MAOA: variants seen among roughly 807,000 people sequenced by gnomAD.
The protein encoded by MAOA is monoamine oxidase A.
MAOA carries 6 observed loss-of-function variants against 42.0 expected under a neutral mutation model. The ratio of observed to expected loss-of-function variants is 0.14; its 90% CI spans 0.08 to 0.28. The LOEUF is 0.28. MAOA is among the 10% of genes least tolerant of loss of function. The probability of loss-of-function intolerance (pLI) is 1.00; values close to 1 mark genes in which losing one functional copy is unlikely to be tolerated. For synonymous variants in MAOA, 140 were observed against 154.0 expected, an observed-to-expected ratio of 0.91 and a Z score of 0.67; for missense variants, 262 against 422.3, an observed-to-expected ratio of 0.62 and a Z score of 3.33.
chrX:43,701,584 A>G (rs1031132176), intron 3 of MAOA, among the ~76,000 whole-genome samples: 3 of 111,370 alleles, frequency 2.7e-5, no homozygotes, highest in Non-Finnish European at 5.6e-5. Flanking sequence ...CTAATTCACT[A>G]CAGGAATTGT....
chrX:43,722,729 G>A (rs777615826), intron 5 of MAOA, among the ~76,000 whole-genome samples: 1 of 111,935 alleles, frequency 8.9e-6, no homozygotes, highest in Non-Finnish European at 1.9e-5. Flanking sequence ...TGTTGCTATT[G>A]CTTTTGGTGT....
rs2033625424 is a variant in MAOA at position 43,701,601 on chromosome X, C to T, written c.306+8173C>T. ...AATTCACTACAGGAATTGTTTCTAACCATTCATTGAGAAGTAACCTAGCAT... is the reference window on the plus strand; with the variant it reads ...AATTCACTACAGGAATTGTTTCTAATCATTCATTGAGAAGTAACCTAGCAT... On this transcript the variant is annotated intron_variant, in intron 3 of 14. Coordinates refer to ENST00000338702, the MANE Select transcript of MAOA (RefSeq NM_000240.4). Among the ~76,000 whole-genome samples, 2 of 111,452 alleles carry T rather than the reference C, an allele frequency of 1.8e-5. 1 individual carries two copies. Among genetic ancestry groups the T allele is most frequent in the Admixed American group, 1.9e-4 (2 of 10,415 alleles).
chrX:43,702,880 A>G (rs1430682027), intron 3 of MAOA, among the ~76,000 whole-genome samples: 1 of 110,944 alleles, frequency 9.0e-6, no homozygotes, highest in Admixed American at 9.6e-5. Flanking sequence ...CTGAAAAAAA[A>G]AATCAGGCTT....
chrX:43,739,451 G>A (rs2033944572), intron 10 of MAOA, among the ~76,000 whole-genome samples: 1 of 112,049 alleles, frequency 8.9e-6, no homozygotes, highest in Non-Finnish European at 1.9e-5. Context: ...GAATGTTCTG[G>A]AAGTTATAAA....
At chrX:43,676,397 C>G (rs771056431) in intron 1 of MAOA, among the ~76,000 whole-genome samples, 1 of 111,911 alleles carries the variant, frequency 8.9e-6, no homozygotes, top group Non-Finnish European at 1.9e-5. Context: ...TTGCACTTCC[C>G]GAGTAAGGCA....
chrX:43,731,859 C>T lies in MAOA; in HGVS notation c.955+6C>T. 8.4e-7 allele frequency: 1 copy of T among 1,196,591 alleles called. No individual in the cohort carries two copies. Among genetic ancestry groups the T allele is most frequent in the East Asian group, 3.0e-5 (1 of 33,761 alleles). On this transcript the variant is annotated splice_donor_region_variant and intron_variant, in intron 8 of 14. Coordinates refer to ENST00000338702, the MANE Select transcript of MAOA (RefSeq NM_000240.4). ...GGCCTTCTGGAAGAAGAAGGGTAGG[C>T]TGCTATTATTCATGTTTAAACTGTA...
intron 1 of MAOA, among the ~76,000 whole-genome samples, chrX:43,671,877 G>A (rs2147074803): frequency 9.5e-6 from 1 of 105,242 alleles, no homozygotes; most frequent in South Asian, 4.5e-4. Context: ...CAGGTAGTGT[G>A]ATGCCTCCAG....
intron 5 of MAOA, among the ~76,000 whole-genome samples, chrX:43,726,570 C>T (rs990275575): frequency 5.4e-5 from 6 of 111,927 alleles, no homozygotes; most frequent in Non-Finnish European, 1.1e-4. Flanking sequence ...GTTAGCAATT[C>T]GTCTAACCTT....
intron 6 of MAOA, 42 bp downstream of exon 6, chrX:43,728,356 T>G (rs759952996): frequency 4.2e-6 from 5 of 1,198,099 alleles, no homozygotes. Context: ...GAGCTTCATC[T>G]GTGATTTTGC....
At chrX:43,715,861 G>A (rs1162858485) in intron 5 of MAOA, among the ~76,000 whole-genome samples, 1 of 110,930 alleles carries the variant, frequency 9.0e-6, no homozygotes, top group Non-Finnish European at 1.9e-5. Flanking sequence ...TGGGGACACA[G>A]AGAAGGGTAG....
intron 12 of MAOA, 41 bp downstream of exon 12, chrX:43,742,088 C>T: frequency 8.3e-7 from 1 of 1,207,386 alleles, no homozygotes. Context: ...AAGACCTGTG[C>T]CAAATTTAAA....
chrX:43,659,905 C>T lies in MAOA; in HGVS notation c.73+3491C>T, dbSNP rs762283858. On this transcript the variant is annotated intron_variant, in intron 1 of 14. Transcript: ENST00000338702. ...TATGATGACCTCCCTCCCCCCATCA[C>T]CAGGACAGACTCTTTTTTAAAAGTA... Among the ~76,000 whole-genome samples the T allele has an allele frequency of 5.0e-4, 56 of 111,154 alleles. No individual in the cohort carries two copies. In the South Asian group the frequency reaches 0.021, roughly 42 times the overall value.
At chrX:43,683,959 C>T (rs111568313) in intron 2 of MAOA, among the ~76,000 whole-genome samples, 1 of 19,250 alleles carries the variant, frequency 5.2e-5, no homozygotes, top group Admixed American at 5.9e-4. Context: ...TACACACAGA[C>T]ACACACACAC....
intron 3 of MAOA, among the ~76,000 whole-genome samples, chrX:43,709,253 G>A (rs925448425): frequency 9.0e-6 from 1 of 111,315 alleles, no homozygotes; most frequent in Non-Finnish European, 1.9e-5. Flanking sequence ...TGCCACCACT[G>A]TTTATCAAGG....
At chrX:43,672,021 A>C (rs2033341268) in intron 1 of MAOA, among the ~76,000 whole-genome samples, 1 of 111,100 alleles carries the variant, frequency 9.0e-6, no homozygotes, top group African/African-American at 3.3e-5. Context: ...TGAATCTATA[A>C]ATTACCTTGG....
chrX:43,730,487 CTT>C (rs1232538202), intron 6 of MAOA, among the ~76,000 whole-genome samples: 2 of 84,775 alleles, frequency 2.4e-5, no homozygotes, highest in Admixed American at 1.4e-4. Context: ...TATTCCGAAT[CTT>C]TTTTTTTTTT....
intron 5 of MAOA, among the ~76,000 whole-genome samples, chrX:43,719,319 G>A (rs981039007): frequency 9.0e-6 from 1 of 111,195 alleles, no homozygotes; most frequent in African/African-American, 3.3e-5. Context: ...GTGGAGACAG[G>A]ATGGAAGGTG....
At chrX:43,710,338 A>C (rs2147093580) in intron 3 of MAOA, among the ~76,000 whole-genome samples, 1 of 112,695 alleles carries the variant, frequency 8.9e-6, no homozygotes, top group Admixed American at 9.4e-5. Flanking sequence ...ATATTCTGCC[A>C]AGGTTATTTG....
chrX:43,671,692 A>T (rs781550796), intron 1 of MAOA, among the ~76,000 whole-genome samples: 2,447 of 101,930 alleles, frequency 0.024, 71 homozygotes, highest in African/African-American at 0.085. Flanking sequence ...CCATTTATTA[A>T]ATAGGGAATC....
Sources: allele counts gnomAD v4.1 joint callset (sites outside exome capture counted in the v4.1 genomes callset), GRCh38; gene constraint gnomAD v4.1.1; transcripts MANE v1.5; gene names NCBI Gene and HGNC (gene_info 2026-07-23, HGNC 2026-07-21).